Variants in PEX5L observed in about 807,000 individuals in gnomAD.
The protein encoded by PEX5L is peroxisomal biogenesis factor 5 like, also known as PEX5-related protein.
PEX5L carries 30 observed loss-of-function variants against 84.0 expected under a neutral mutation model. That is an observed-to-expected ratio of 0.36 (90% CI 0.27 to 0.48). The LOEUF (loss-of-function observed/expected upper bound fraction) is 0.48. PEX5L is among the 20% of genes least tolerant of loss of function. The pLI is 0.99. For synonymous variants in PEX5L, 270 were observed against 283.1 expected, an observed-to-expected ratio of 0.95 and a Z score of 0.46; for missense variants, 533 against 754.6, an observed-to-expected ratio of 0.71 and a Z score of 3.44.
intron 1 of PEX5L, among the ~76,000 whole-genome samples, chr3:179,992,914 G>GTACA (rs1787519714): frequency 2.0e-5 from 3 of 150,802 alleles, no homozygotes; most frequent in African/African-American, 7.4e-5. Context: ...ATGTACATAT[G>GTACA]TATGTATTTT....
chr3:180,026,952 C>T (rs1356243131), intron 1 of PEX5L, among the ~76,000 whole-genome samples: 21 of 152,168 alleles, frequency 1.4e-4, no homozygotes, highest in Admixed American at 1.4e-3. Context: ...CTTTTACAGA[C>T]TATCTTGGAG....
chr3:179,896,952 G>A (rs1759523757), intron 3 of PEX5L, among the ~76,000 whole-genome samples: 1 of 152,116 alleles, frequency 6.6e-6, no homozygotes, highest in Non-Finnish European at 1.5e-5. Context: ...TTATTAGGAA[G>A]TAGCATCTCT....
chr3:179,967,260 C>T (rs143452097), intron 2 of PEX5L, among the ~76,000 whole-genome samples: 12 of 152,216 alleles, frequency 7.9e-5, no homozygotes, highest in Non-Finnish European at 1.3e-4. Context: ...GGAGGGAGAG[C>T]TGGCTTCTAG....
intron 8 of PEX5L, among the ~76,000 whole-genome samples, chr3:179,851,344 T>A (rs1318175911): frequency 6.6e-6 from 1 of 152,210 alleles, no homozygotes; most frequent in Non-Finnish European, 1.5e-5. Context: ...TATCCTTACA[T>A]GTTTGTAGGA....
chr3:179,873,794 G>A (rs570074757), intron 7 of PEX5L, among the ~76,000 whole-genome samples: 3 of 152,188 alleles, frequency 2.0e-5, no homozygotes, highest in South Asian at 4.1e-4. Context: ...AAAAACATAC[G>A]TGAAGTCCCT....
At position 179,966,417 on chromosome 3, in the gene PEX5L, C is replaced by T. The variant is rs148738099; in HGVS notation, c.93+5177G>A. On this transcript the variant is annotated intron_variant, in intron 2 of 14. Coordinates refer to ENST00000467460, the MANE Select transcript of PEX5L (RefSeq NM_016559.3). ...TCTGAATTACATTTAAATTAAGTCA[C>T]CACATTGATATGACCAAGAAAGCAT... Among the ~76,000 whole-genome samples, 1,011 of 152,280 alleles carry T rather than the reference C, an allele frequency of 6.6e-3. 9 individuals carry two copies. Among genetic ancestry groups the T allele is most frequent in the South Asian group, 0.023 (112 of 4,824 alleles).
intron 12 of PEX5L, 32 bp from the exon 13 acceptor site, chr3:179,808,469 T>A: frequency 3.0e-6 from 4 of 1,346,864 alleles, no homozygotes. Flanking sequence ...AGATTTGTAA[T>A]CCAAATAGTC....
In PEX5L at chr3:179,808,295, C is replaced by T. The variant is rs764907805; in HGVS notation, c.1495G>A (p.Ala499Thr). 5 of 1,593,884 alleles carry T rather than the reference C, an allele frequency of 3.1e-6. No individual in the cohort carries two copies. The Admixed American group carries it at 5.4e-5, about 17-fold the overall frequency. The change falls in exon 13 of 15, where the codon GCT becomes ACT. Residue 499 changes from alanine to threonine, a missense_variant. By Grantham distance (58) the Ala-to-Thr change is moderately conservative. Around this residue, in one of 8 missense-constraint regions of PEX5L, gnomAD observed 105 missense variants for 204.6 expected, o/e 0.51. Coordinates refer to ENST00000467460, the MANE Select transcript of PEX5L (RefSeq NM_016559.3). The stretch of plus-strand genomic sequence containing the variant: ...ACCTCTGGCCGAACAGTTAAGGCAG[C>T]GTTAAATGCATCTATTGCTCTATTA... Reference protein sequence around the residue: ...EFNRAIDAFNAALTVRPEDYS... With the variant: ...EFNRAIDAFNTALTVRPEDYS...
At chr3:179,823,557 T>G (rs533891038) in intron 8 of PEX5L, among the ~76,000 whole-genome samples, 2 of 152,326 alleles carry the variant, frequency 1.3e-5, no homozygotes, top group South Asian at 4.1e-4. Context: ...AATTTTCTAT[T>G]GCTAGCATAC....
intron 1 of PEX5L, among the ~76,000 whole-genome samples, chr3:179,990,195 C>T (rs1263205025): frequency 6.6e-6 from 1 of 152,184 alleles, no homozygotes; most frequent in Non-Finnish European, 1.5e-5. Context: ...CTAGTGTCTT[C>T]CAGTCCCACT....
intron 2 of PEX5L, among the ~76,000 whole-genome samples, chr3:179,960,030 G>A (rs930869163): frequency 3.3e-5 from 5 of 152,006 alleles, no homozygotes; most frequent in Admixed American, 2.6e-4. Flanking sequence ...TCAAGAGCAG[G>A]CTTTATGTTT....
intron 8 of PEX5L, among the ~76,000 whole-genome samples, chr3:179,830,103 G>T (rs941772706): frequency 4.6e-5 from 7 of 151,656 alleles, no homozygotes; most frequent in African/African-American, 1.7e-4. Context: ...CCTTAAACTT[G>T]CTATATCTAA....
At chr3:179,988,864 C>A (rs1787118826) in intron 1 of PEX5L, among the ~76,000 whole-genome samples, 1 of 152,106 alleles carries the variant, frequency 6.6e-6, no homozygotes, top group Non-Finnish European at 1.5e-5. Context: ...CAGGTTTTGG[C>A]AAGTTGGGCA....
chr3:179,969,853 A>G (rs1301534211), intron 2 of PEX5L, among the ~76,000 whole-genome samples: 1 of 152,174 alleles, frequency 6.6e-6, no homozygotes, highest in African/African-American at 2.4e-5. Flanking sequence ...GATCCAGGTA[A>G]TAAAAGTGCT....
intron 2 of PEX5L, among the ~76,000 whole-genome samples, chr3:179,958,827 C>T (rs1781279102): frequency 6.6e-6 from 1 of 152,028 alleles, no homozygotes; most frequent in Non-Finnish European, 1.5e-5. Context: ...ATGATCCTTT[C>T]CTGACACCAA....
intron 1 of PEX5L, among the ~76,000 whole-genome samples, chr3:180,017,778 T>C (rs1460668236): frequency 2.6e-5 from 4 of 152,188 alleles, no homozygotes; most frequent in Non-Finnish European, 5.9e-5. Context: ...GATAAGATGC[T>C]AAAAAATATT....
At chr3:179,847,324 A>G (rs1055836211) in intron 8 of PEX5L, among the ~76,000 whole-genome samples, 2 of 152,080 alleles carry the variant, frequency 1.3e-5, no homozygotes, top group African/African-American at 4.8e-5. Context: ...GTATACAGCT[A>G]TATCTCCTCT....
At chr3:179,889,647 G>C (rs1443348187) in intron 3 of PEX5L, among the ~76,000 whole-genome samples, 1 of 152,030 alleles carries the variant, frequency 6.6e-6, no homozygotes, top group South Asian at 2.1e-4. Flanking sequence ...GGCCTCTTTT[G>C]GTATTAATCT....
intron 7 of PEX5L, among the ~76,000 whole-genome samples, chr3:179,873,086 G>T (rs1469335043): frequency 6.6e-6 from 1 of 152,078 alleles, no homozygotes; most frequent in East Asian, 1.9e-4. Flanking sequence ...GTTTCCAGAG[G>T]CTTTCTATTT....
Sources: gnomAD v4.1 joint callset for allele counts (sites outside exome capture counted in the v4.1 genomes callset) on GRCh38, gnomAD v4.1.1 for gene constraint, gnomAD v4.1.1 regional missense constraint, MANE v1.5 for transcripts, NCBI Gene and HGNC (gene_info 2026-07-23, HGNC 2026-07-21) for gene names.